The following NFATC4 variants were observed in gnomAD, a reference collection of about 807,000 sequenced individuals.
NFATC4 encodes the protein nuclear factor of activated T cells 4.
NFATC4 carries 25 observed loss-of-function variants against 73.4 expected under a neutral mutation model. That is an observed-to-expected ratio of 0.34 (90% CI 0.25 to 0.48). The LOEUF (loss-of-function observed/expected upper bound fraction) is 0.48, where lower values mean the gene tolerates loss of function less well. NFATC4 is among the 20% of genes least tolerant of loss of function. The pLI is 0.99. For synonymous variants in NFATC4, 523 were observed against 510.3 expected (o/e 1.02, Z -0.34); for missense variants, 1,130 against 1,203.7 (o/e 0.94, Z 0.91).
At chr14:24,367,794 T>A (rs2042345931), upstream of NFATC4, 2 of 1,344,382 alleles carry the variant, frequency 1.5e-6, no homozygotes, top group Non-Finnish European at 2.0e-6. Flanking sequence ...TACACAGTCT[T>A]CAGAATTTAA....
In NFATC4 at chr14:24,378,127, A is replaced by C. The variant is rs1192505953; in HGVS notation, c.*422A>C. On this transcript the variant is annotated 3_prime_UTR_variant, in exon 10 of 10. Coordinates refer to ENST00000250373, the MANE Select transcript of NFATC4 (RefSeq NM_004554.5). Reference sequence around the variant, plus strand: ...CTCCAGCCCTGGCCCAAGGAGGCCCAGAAGTTGGAAAGAGATGGAATGTGG... The same window carrying C: ...CTCCAGCCCTGGCCCAAGGAGGCCCCGAAGTTGGAAAGAGATGGAATGTGG... 1.6e-5 allele frequency: 3 copies of C among 192,074 alleles called. No homozygotes were observed. The highest frequency in any genetic ancestry group is 1.1e-4 in the Admixed American group (2 of 18,968). 11.9% of individuals were successfully genotyped at this position (192,074 alleles called of 1,614,324 possible).
intron 1 of NFATC4, chr14:24,369,169 C>T (rs2042392467): frequency 6.7e-7 from 1 of 1,487,168 alleles, no homozygotes; most frequent in Non-Finnish European, 8.9e-7. Context: ...GAGTCGCCCC[C>T]AGTCCAGCCC....
At chr14:24,367,068 T>G (rs201820056), upstream of NFATC4, 4 of 1,613,458 alleles carry the variant, frequency 2.5e-6, no homozygotes, top group Admixed American at 3.3e-5. Flanking sequence ...ATAACCACCC[T>G]CCCATCTCTC....
chr14:24,369,289 G>A, intron 1 of NFATC4: 2 of 1,559,874 alleles, frequency 1.3e-6, no homozygotes, highest in Non-Finnish European at 1.7e-6. Flanking sequence ...CTAGGATCCA[G>A]GGGCCAGTGG....
In NFATC4 at chr14:24,369,585, C is replaced by T; in HGVS notation, c.187C>T (p.Arg63Ter). 6.2e-7 allele frequency: 1 copy of T among 1,612,844 alleles called. No individual in the cohort carries two copies. The highest frequency in any genetic ancestry group is 8.5e-7 in the Non-Finnish European group (1 of 1,179,448). The change falls in exon 2 of 10, where the codon CGA becomes TGA. Residue 63 changes from arginine (R) to a stop codon, truncating the protein, a stop_gained. Transcript: ENST00000250373. LOFTEE classifies it high-confidence loss of function. Reference sequence around the variant, plus strand: ...TGGCGCTGCACCTATCGGTATTCCCCGACCTCCACCCCCTCGGCCTGGCAT... The same window carrying T: ...TGGCGCTGCACCTATCGGTATTCCCTGACCTCCACCCCCTCGGCCTGGCAT... ...PYGAAPIGIP[R>*]PPPPRPGMHS...
In NFATC4 at chr14:24,373,674, C is replaced by A; in HGVS notation, c.1560-21C>A. ...TTTTGGCTTCAGCTAGGAGGGCTTG[C>A]CATCCATCCTTTGCCTCCAGCATTG... On this transcript the variant is annotated intron_variant, in intron 4 of 9. Coordinates refer to ENST00000250373, the MANE Select transcript of NFATC4 (RefSeq NM_004554.5). This position sits in a 1 kb window ranked among gnomAD's most constrained non-coding sequence, Gnocchi z 4.7. 6.3e-7 allele frequency: 1 copy of A among 1,588,958 alleles called. No individual in the cohort carries two copies. Among genetic ancestry groups the A allele is most frequent in the Non-Finnish European group, 8.6e-7 (1 of 1,165,686 alleles).
At chr14:24,368,131 TG>T (rs3215609), upstream of NFATC4, 996,084 of 1,133,120 alleles carry the variant, frequency 0.88, 438,722 homozygotes, top group South Asian at 0.9. Flanking sequence ...AGGGACAGGC[TG>T]GGGGGGGGAC....
In NFATC4 at chr14:24,370,040, G is replaced by A. The variant is rs767678206; in HGVS notation, c.642G>A (p.Pro214=). The change falls in exon 2 of 10, where the codon CCG becomes CCA. Residue 214 remains proline (P), a synonymous_variant. Transcript: ENST00000250373. ...CCTCCCGCTTTGGCCTGGGCTCCCC[G>A]CTGCCCTCGCCCCGGGCCTCCCCTC... ...EAASRFGLGS[P]LPSPRASPRP... is the part of the protein sequence containing the mutation. 2 of 1,609,826 alleles carry A rather than the reference G, an allele frequency of 1.2e-6. No homozygotes were observed. Among genetic ancestry groups the A allele is most frequent in the African/African-American group, 1.3e-5 (1 of 74,980 alleles).
rs781446521 is a variant in NFATC4, at chr14:24,373,836, A to C, written c.1701A>C (p.Ser567=). 18 of 1,613,942 alleles carry C rather than the reference A, an allele frequency of 1.1e-5. No individual in the cohort carries two copies. Among genetic ancestry groups the C allele is most frequent in the Non-Finnish European group, 1.3e-5 (15 of 1,180,022 alleles). Residue 567 remains serine (S), a synonymous_variant, in exon 5 of 10, where the codon TCA becomes TCC. Transcript: ENST00000250373. This position sits in a 1 kb window ranked among gnomAD's most constrained non-coding sequence, Gnocchi z 4.7. ...CCCAGGGCGGCGGGAAGGTCGTCTC[A>C]GTACAGGCAGCATCGGTGCCCATCG... The part of the protein sequence containing the change: ...HVPQGGGKVV[S]VQAASVPIEC...
rs374213442 is a variant in NFATC4, at chr14:24,373,405, C to T, written c.1559+35C>T. On this transcript the variant is annotated intron_variant, in intron 4 of 9. Coordinates refer to ENST00000250373, the MANE Select transcript of NFATC4 (RefSeq NM_004554.5). The surrounding 1 kb of genome is among the most constrained non-coding windows in gnomAD (Gnocchi z 4.7). Reference sequence around the variant, plus strand: ...ATGCAACTTCCCCTCAGTCCGCAGGCTTTGTACTAGCTTTCTCCACTGGGC... The same window carrying T: ...ATGCAACTTCCCCTCAGTCCGCAGGTTTTGTACTAGCTTTCTCCACTGGGC... 71 of 1,608,344 alleles carry T rather than the reference C, an allele frequency of 4.4e-5. No homozygotes were observed. Among genetic ancestry groups the T allele is most frequent in the Non-Finnish European group, 5.5e-5 (65 of 1,176,538 alleles).
Position 24,376,135 on chromosome 14 carries a change from GGGATAT to G in NFATC4, c.2056+37_2056+42del, listed in dbSNP as rs1250637869. The G allele has an allele frequency of 6.2e-7, 1 of 1,613,306 alleles. No individual in the cohort carries two copies. The highest frequency in any genetic ancestry group is 8.5e-7 in the Non-Finnish European group (1 of 1,179,454). Reference sequence around the variant, plus strand: ...TGGGACAGCCCATGGTGGGGGTATAGGGATATGGGGAGCTGGAGCAGGAGCAGAGGG... The same window carrying G: ...TGGGACAGCCCATGGTGGGGGTATAGGGGGAGCTGGAGCAGGAGCAGAGGG... On this transcript the variant is annotated intron_variant, in intron 8 of 9. Transcript: ENST00000250373. This position sits in a 1 kb window ranked among gnomAD's most constrained non-coding sequence, Gnocchi z 5.0.
At chr14:24,372,882 A>G in intron 3 of NFATC4, 1 of 597,864 alleles carries the variant, frequency 1.7e-6, no homozygotes, top group South Asian at 2.0e-5. Flanking sequence ...GTTTAGGCTG[A>G]GGACAAAAGT....
In NFATC4 at chr14:24,375,713, G is replaced by A. The variant is rs1473127248; in HGVS notation, c.1927G>A (p.Glu643Lys). Reference sequence around the variant, plus strand: ...CACAGTGAACCGACTGCAGAGCAACGAGGTACCAGTGTCACTTGGATACCT... The same window carrying A: ...CACAGTGAACCGACTGCAGAGCAACAAGGTACCAGTGTCACTTGGATACCT... ...EATVNRLQSNEVTLTLTVPEY... is the reference protein window; with the variant it reads ...EATVNRLQSNKVTLTLTVPEY... Residue 643 changes from glutamate to lysine, a missense_variant and splice_region_variant, in exon 7 of 10, where the codon GAG becomes AAG. This residue lies in a region of NFATC4 where 390 missense variants were observed against 408.1 expected (regional missense o/e 0.96). Transcript: ENST00000250373. The A allele has an allele frequency of 6.8e-6, 10 of 1,476,266 alleles. No individual in the cohort carries two copies. Among genetic ancestry groups the A allele is most frequent in the Non-Finnish European group, 9.3e-6 (10 of 1,080,332 alleles). The allele number at this position is 1,476,266 out of a possible 1,614,324, so 91.4% of individuals were successfully genotyped here.
chr14:24,367,880 T>C, upstream of NFATC4: 2 of 1,347,440 alleles, frequency 1.5e-6, no homozygotes, highest in Non-Finnish European at 1.9e-6. Context: ...CCCAGAACCT[T>C]GAACTGAGAC....
upstream of NFATC4, chr14:24,367,405 T>C (rs1478966847): frequency 2.6e-6 from 4 of 1,535,472 alleles, no homozygotes; most frequent in African/African-American, 5.5e-5. Context: ...CAACTTCCCG[T>C]GGAGGCTAAT....
chr14:24,376,322 C>T lies in NFATC4; in HGVS notation c.2085C>T (p.Asp695=). 6.3e-7 allele frequency: 1 copy of T among 1,591,990 alleles called. No individual in the cohort carries two copies. Among genetic ancestry groups the T allele is most frequent in the Non-Finnish European group, 8.6e-7 (1 of 1,169,212 alleles). Residue 695 remains aspartate, a synonymous_variant, in exon 9 of 10, where the codon GAC becomes GAT. Coordinates refer to ENST00000250373, the MANE Select transcript of NFATC4 (RefSeq NM_004554.5). The surrounding 1 kb of genome is among the most constrained non-coding windows in gnomAD (Gnocchi z 5.0). ...PVICKEEPLP[D]SSLRGFPSAS... ...TCTGCAAAGAGGAGCCCCTACCGGACTCATCTCTGCGGGGTTTCCCTTCAG... is the reference window on the plus strand; with the variant it reads ...TCTGCAAAGAGGAGCCCCTACCGGATTCATCTCTGCGGGGTTTCCCTTCAG...
At chr14:24,374,601 C>A in intron 6 of NFATC4, 135 bp downstream of exon 6, 1 of 807,842 alleles carries the variant, frequency 1.2e-6, no homozygotes, top group Non-Finnish European at 1.9e-6. Flanking sequence ...GACAGACTAC[C>A]CTTTCTATTA....
Position 24,376,795 on chromosome 14 carries a change from C to G in NFATC4, c.2558C>G (p.Ala853Gly). 6.2e-7 allele frequency: 1 copy of G among 1,610,390 alleles called. No homozygotes were observed. Among genetic ancestry groups the G allele is most frequent in the Non-Finnish European group, 8.5e-7 (1 of 1,178,680 alleles). ...CCAGGCTATGGCCCTGGGGAGGGGG[C>G]TCCGGAGCAGGAGAAATCCAGGGGT... ...VGPGYGPGEG[A>G]PEQEKSRGGY... Residue 853 changes from alanine (A) to glycine (G), a missense_variant, in exon 9 of 10, where the codon GCT becomes GGT. Around this residue, in one of 3 missense-constraint regions of NFATC4, gnomAD observed 390 missense variants for 408.1 expected, o/e 0.96. Coordinates refer to ENST00000250373, the MANE Select transcript of NFATC4 (RefSeq NM_004554.5). The surrounding 1 kb of genome is among the most constrained non-coding windows in gnomAD (Gnocchi z 5.0).
At position 24,378,225 on chromosome 14, in the gene NFATC4, C is replaced by G. The variant is rs2042680649; in HGVS notation, c.*520C>G. The G allele has an allele frequency of 6.2e-6, 1 of 162,314 alleles. No individual in the cohort carries two copies. Among genetic ancestry groups the G allele is most frequent in the Non-Finnish European group, 1.4e-5 (1 of 72,786 alleles). The allele number at this position is 162,314 out of a possible 1,614,324, so 10.1% of individuals were successfully genotyped here. On this transcript the variant is annotated 3_prime_UTR_variant, in exon 10 of 10. Coordinates refer to ENST00000250373, the MANE Select transcript of NFATC4 (RefSeq NM_004554.5). ...AAGGCATGAGGGGGCTCAGAGGCTC[C>G]TTGACTGGGACCAGGATTGGGGGCC...
Sources: gnomAD v4.1 joint callset for allele counts on GRCh38, gnomAD v4.1.1 for gene constraint, gnomAD v4.1.1 regional missense constraint, Gnocchi (gnomAD v3.1) non-coding constraint, MANE v1.5 for transcripts, NCBI Gene and HGNC (gene_info 2026-07-23, HGNC 2026-07-21) for gene names.